Variants in CHODL observed in about 807,000 individuals in gnomAD.
CHODL encodes transmembrane protein MT75.
CHODL carries 29 observed loss-of-function variants against 34.5 expected under a neutral mutation model. The observed-to-expected ratio is 0.84, with a 90% CI of 0.63 to 1.15. The LOEUF (loss-of-function observed/expected upper bound fraction) is 1.15. Ranked by LOEUF, CHODL falls within the 50% of genes most tolerant of loss-of-function variation. CHODL has a pLI of 0.00. For synonymous variants in CHODL, 125 were observed against 116.1 expected (o/e 1.08, Z -0.49); for missense variants, 332 against 332.5 (o/e 1.00, Z 0.01).
chr21:18,039,920 A>G (rs973507333), intron 2 of CHODL, among the ~76,000 whole-genome samples: 11 of 151,830 alleles, frequency 7.2e-5, no homozygotes, highest in Admixed American at 3.3e-4. Context: ...ATTAGTTTTC[A>G]TTTAACACAT....
At chr21:17,948,878 A>G (rs2063434011) in intron 1 of CHODL, among the ~76,000 whole-genome samples, 1 of 152,176 alleles carries the variant, frequency 6.6e-6, no homozygotes, top group African/African-American at 2.4e-5. Context: ...AAAATCGAAG[A>G]GGTAGAAGTT....
At chr21:18,064,065 A>T (rs920593744) in intron 2 of CHODL, among the ~76,000 whole-genome samples, 2 of 152,146 alleles carry the variant, frequency 1.3e-5, no homozygotes, top group African/African-American at 4.8e-5. Flanking sequence ...AGAATCCTTT[A>T]TTCGCCTCCT....
intron 2 of CHODL, among the ~76,000 whole-genome samples, chr21:18,066,790 A>G (rs992248594): frequency 1.6e-4 from 25 of 152,174 alleles, no homozygotes; most frequent in African/African-American, 5.8e-4. Context: ...ACCTAATCCA[A>G]TCTAACTGGT....
At chr21:18,145,876 G>C (rs370317206) in intron 2 of CHODL, among the ~76,000 whole-genome samples, 1 of 152,224 alleles carries the variant, frequency 6.6e-6, no homozygotes. Context: ...ACTTTCTCAT[G>C]CCTGTAGCTC....
chr21:18,005,085 G>A (rs188905185), intron 1 of CHODL, among the ~76,000 whole-genome samples: 3 of 152,218 alleles, frequency 2.0e-5, no homozygotes, highest in Admixed American at 6.5e-5. Context: ...AGGTGTGTAC[G>A]CCATTTGTTA....
intron 2 of CHODL, among the ~76,000 whole-genome samples, chr21:18,208,765 T>A (rs2073740863): frequency 6.6e-6 from 1 of 151,968 alleles, no homozygotes; most frequent in Admixed American, 6.6e-5. Context: ...AGGTACAAAT[T>A]TGGTTGTCTT....
At chr21:17,967,285 A>C (rs770191159) in intron 1 of CHODL, among the ~76,000 whole-genome samples, 10 of 152,272 alleles carry the variant, frequency 6.6e-5, no homozygotes, top group Middle Eastern at 3.4e-3. Context: ...TTGGACTTGG[A>C]CACTACTAGT....
chr21:18,227,432 C>T lies in CHODL; in HGVS notation c.-44-29077C>T, dbSNP rs181224847. Among the ~76,000 whole-genome samples the T allele has an allele frequency of 3.7e-4, 56 of 152,182 alleles. 1 individual carries two copies. Among genetic ancestry groups the T allele is most frequent in the African/African-American group, 1.1e-3 (47 of 41,522 alleles). ...ATTTTAAAACATTGTTTAAACACCT[C>T]GTTTAAAACTTTACAACATATATGT... On this transcript the variant is annotated intron_variant, in intron 2 of 6. Transcript: ENST00000400127.
intron 2 of CHODL, among the ~76,000 whole-genome samples, chr21:18,108,263 A>T (rs956501202): frequency 6.6e-6 from 1 of 152,106 alleles, no homozygotes; most frequent in Non-Finnish European, 1.5e-5. Context: ...CTTTAAATGC[A>T]TAATATGCTC....
chr21:17,928,626 TA>T (rs761125379), intron 1 of CHODL, among the ~76,000 whole-genome samples: 1 of 150,926 alleles, frequency 6.6e-6, no homozygotes, highest in African/African-American at 2.4e-5. Context: ...GAATTGAATC[TA>T]AAAAAAAAGA....
chr21:18,166,848 T>C (rs2073159300), intron 2 of CHODL, among the ~76,000 whole-genome samples: 1 of 152,152 alleles, frequency 6.6e-6, no homozygotes, highest in Non-Finnish European at 1.5e-5. Flanking sequence ...TGGGGACCAA[T>C]GTCATGTGGA....
chr21:18,128,183 C>T (rs1290532978), intron 2 of CHODL, among the ~76,000 whole-genome samples: 4 of 150,722 alleles, frequency 2.7e-5, no homozygotes, highest in African/African-American at 4.9e-5. Flanking sequence ...CGCCTGTAGT[C>T]CCGGCTACTA....
chr21:18,174,123 GTATATATATATATATATA>G (rs1159511070), intron 2 of CHODL, among the ~76,000 whole-genome samples: 10 of 21,548 alleles, frequency 4.6e-4, no homozygotes, highest in South Asian at 1.4e-3. Context: ...ATATCTTGGT[GTATATATATATATATATA>G]TATATATATA....
intron 1 of CHODL, among the ~76,000 whole-genome samples, chr21:18,010,921 C>T (rs1179576375): frequency 6.6e-6 from 1 of 152,166 alleles, no homozygotes; most frequent in Non-Finnish European, 1.5e-5. Context: ...TCTCCCTTGA[C>T]AGTATAAGAA....
intron 2 of CHODL, among the ~76,000 whole-genome samples, chr21:18,031,668 A>C (rs1461224938): frequency 6.6e-6 from 1 of 152,056 alleles, no homozygotes; most frequent in Non-Finnish European, 1.5e-5. Flanking sequence ...GGATGGTTGA[A>C]TCCTGGAGAG....
intron 2 of CHODL, among the ~76,000 whole-genome samples, chr21:18,195,718 G>A (rs560018108): frequency 1.2e-4 from 18 of 152,128 alleles, no homozygotes; most frequent in Non-Finnish European, 1.6e-4. Flanking sequence ...TTATTTACTT[G>A]TTTTGGGTTT....
intron 1 of CHODL, among the ~76,000 whole-genome samples, chr21:17,984,549 G>T (rs942357404): frequency 1.3e-5 from 2 of 151,532 alleles, no homozygotes; most frequent in African/African-American, 4.8e-5. Context: ...TTTGTCTTTT[G>T]TACATGACTT....
At chr21:17,972,878 C>T (rs572226189) in intron 1 of CHODL, among the ~76,000 whole-genome samples, 4 of 152,248 alleles carry the variant, frequency 2.6e-5, no homozygotes, top group East Asian at 3.9e-4. Flanking sequence ...CATCATACTA[C>T]GTGACTTCAA....
chr21:18,081,131 T>C (rs1214772736), intron 2 of CHODL, among the ~76,000 whole-genome samples: 1 of 152,186 alleles, frequency 6.6e-6, no homozygotes, highest in Non-Finnish European at 1.5e-5. Context: ...ATTTTGTCGT[T>C]GGCTGGATCA....
Sources: allele counts gnomAD v4.1 joint callset (sites outside exome capture counted in the v4.1 genomes callset), GRCh38; gene constraint gnomAD v4.1.1; transcripts MANE v1.5; gene names NCBI Gene and HGNC (gene_info 2026-07-23, HGNC 2026-07-21).